The following KIF26B variants were observed in gnomAD, a reference collection of about 807,000 sequenced individuals.
KIF26B encodes the protein kinesin family member 26B.
Under a neutral mutation model 151.2 loss-of-function variants are expected in KIF26B, and 63 were observed. That is an observed-to-expected ratio of 0.42 (90% CI 0.34 to 0.51). KIF26B has a LOEUF of 0.51. KIF26B is among the 20% of genes least tolerant of loss of function. The probability of loss-of-function intolerance (pLI) is 0.07; values close to 1 mark genes in which losing one functional copy is unlikely to be tolerated. For synonymous variants in KIF26B, 1,357 were observed against 1,262.1 expected (o/e 1.08, Z -1.59); for missense variants, 2,813 against 2,913.6 (o/e 0.97, Z 0.79).
intron 2 of KIF26B, among the ~76,000 whole-genome samples, chr1:245,343,631 A>G (rs1438608168): frequency 1.3e-5 from 2 of 152,240 alleles, no homozygotes; most frequent in African/African-American, 2.4e-5. Flanking sequence ...CATAATTGAT[A>G]ACGACTTCAT....
intron 10 of KIF26B, among the ~76,000 whole-genome samples, chr1:245,679,157 T>C (rs976088733): frequency 6.6e-6 from 1 of 152,152 alleles, no homozygotes; most frequent in Non-Finnish European, 1.5e-5. Flanking sequence ...TTACAACCAC[T>C]CAACTCTTAT....
At chr1:245,457,349 A>G (rs61829865) in intron 4 of KIF26B, among the ~76,000 whole-genome samples, 1 of 152,244 alleles carries the variant, frequency 6.6e-6, no homozygotes. Context: ...CCACATCCAC[A>G]TATATGACCT....
chr1:245,272,617 G>A (rs1670872785), intron 2 of KIF26B, among the ~76,000 whole-genome samples: 1 of 151,682 alleles, frequency 6.6e-6, no homozygotes, highest in Non-Finnish European at 1.5e-5. Context: ...AAGTTGGGTT[G>A]TTTATTTGAG....
At chr1:245,266,481 C>T (rs1670748184) in intron 2 of KIF26B, among the ~76,000 whole-genome samples, 1 of 152,004 alleles carries the variant, frequency 6.6e-6, no homozygotes, top group Non-Finnish European at 1.5e-5. Context: ...TTGAATCCAT[C>T]TTTTACCATT....
Position 245,646,139 on chromosome 1 carries a change from G to A in KIF26B, c.2117G>A (p.Arg706His), listed in dbSNP as rs566679369. 13 of 1,613,694 alleles carry A rather than the reference G, an allele frequency of 8.1e-6. No homozygotes were observed. Among genetic ancestry groups the A allele is most frequent in the Middle Eastern group, 1.6e-4 (1 of 6,080 alleles). Residue 706 changes from arginine to histidine, a missense_variant, in exon 10 of 15, where the codon CGC becomes CAC. By Grantham distance (29) the Arg-to-His change is conservative. This residue lies in a region of KIF26B where 2,060 missense variants were observed against 2,088.6 expected (regional missense o/e 0.99). Coordinates refer to ENST00000407071, the MANE Select transcript of KIF26B (RefSeq NM_018012.4). Reference sequence around the variant, plus strand: ...GTGGTAGTGTCTGGAGGTCGCAGCCGCCTGCATCTCATTGATCTCGGCAGC... The same window carrying A: ...GTGGTAGTGTCTGGAGGTCGCAGCCACCTGCATCTCATTGATCTCGGCAGC... ...GKGGMSGGRS[R>H]LHLIDLGSCV...
At chr1:245,458,476 C>A (rs1659585830) in intron 4 of KIF26B, among the ~76,000 whole-genome samples, 1 of 152,138 alleles carries the variant, frequency 6.6e-6, no homozygotes, top group African/African-American at 2.4e-5. Flanking sequence ...CACATGGCAG[C>A]CAGGTTCTTT....
chr1:245,258,243 G>A (rs1670575993), intron 2 of KIF26B, among the ~76,000 whole-genome samples: 1 of 152,200 alleles, frequency 6.6e-6, no homozygotes, highest in African/African-American at 2.4e-5. Flanking sequence ...GTCCAGAGGT[G>A]TAAGACAGAG....
At chr1:245,675,699 G>A (rs2044349188) in intron 10 of KIF26B, among the ~76,000 whole-genome samples, 3 of 152,082 alleles carry the variant, frequency 2.0e-5, no homozygotes, top group Admixed American at 6.6e-5. Context: ...TAGAGTATTG[G>A]AGTTGAAAGA....
intron 10 of KIF26B, among the ~76,000 whole-genome samples, chr1:245,683,915 C>A (rs2044472488): frequency 6.6e-6 from 1 of 152,178 alleles, no homozygotes; most frequent in South Asian, 2.1e-4. Flanking sequence ...CTGATCCCCT[C>A]CTCTTGTTTC....
chr1:245,509,221 T>C (rs1048429701), intron 4 of KIF26B, among the ~76,000 whole-genome samples: 1 of 152,104 alleles, frequency 6.6e-6, no homozygotes, highest in African/African-American at 2.4e-5. Context: ...AACCAGCCAA[T>C]AAAGAAGGGC....
At chr1:245,589,037 G>A (rs1247722502) in intron 5 of KIF26B, among the ~76,000 whole-genome samples, 1 of 152,168 alleles carries the variant, frequency 6.6e-6, no homozygotes, top group Non-Finnish European at 1.5e-5. Flanking sequence ...AGAACGTAGC[G>A]TTTGGTGCAG....
At chr1:245,182,559 A>G (rs1158167153) in intron 2 of KIF26B, among the ~76,000 whole-genome samples, 1 of 152,192 alleles carries the variant, frequency 6.6e-6, no homozygotes, top group Non-Finnish European at 1.5e-5. Flanking sequence ...TTGTGTGGAC[A>G]TATGGTTTCA....
Position 245,156,695 on chromosome 1 carries a change from G to C in KIF26B, c.465+12G>C, listed in dbSNP as rs1021134496. On this transcript the variant is annotated intron_variant, in intron 2 of 14. Transcript: ENST00000407071. ...CCTTCCCGGGCAAGGTGAGCGCCGC[G>C]CGGGGCTGGCTGGGGAGGCGCCGGG... The C allele has an allele frequency of 1.2e-5, 18 of 1,465,044 alleles. No individual in the cohort carries two copies. The highest frequency in any genetic ancestry group is 2.4e-5 in the Admixed American group (1 of 41,952). 90.8% of individuals were successfully genotyped at this position (1,465,044 alleles called of 1,614,324 possible). A position where few individuals can be genotyped will look rare whatever the true frequency, so the allele number is the denominator to read the frequency against.
chr1:245,558,640 CCA>C (rs1662093882), intron 5 of KIF26B, among the ~76,000 whole-genome samples: 1 of 152,176 alleles, frequency 6.6e-6, no homozygotes, highest in Admixed American at 6.5e-5. Context: ...GTTTGTCTAG[CCA>C]CAGGGATCAG....
At chr1:245,652,310 G>A (rs2103191170) in intron 10 of KIF26B, among the ~76,000 whole-genome samples, 1 of 152,260 alleles carries the variant, frequency 6.6e-6, no homozygotes, top group Non-Finnish European at 1.5e-5. Flanking sequence ...GTCTCAGGTT[G>A]CCAGGCAACT....
intron 4 of KIF26B, among the ~76,000 whole-genome samples, chr1:245,461,732 G>A (rs927322670): frequency 2.0e-5 from 3 of 152,210 alleles, no homozygotes; most frequent in Non-Finnish European, 4.4e-5. Flanking sequence ...TTGGCTGCAA[G>A]AATGGCTAAG....
At chr1:245,491,677 G>T (rs1660412414) in intron 4 of KIF26B, among the ~76,000 whole-genome samples, 1 of 152,206 alleles carries the variant, frequency 6.6e-6, no homozygotes, top group African/African-American at 2.4e-5. Context: ...GGAGGCCGAG[G>T]TGGGTGGATC....
chr1:245,691,473 C>T (rs1224188175), intron 12 of KIF26B, among the ~76,000 whole-genome samples: 2 of 152,172 alleles, frequency 1.3e-5, no homozygotes, highest in Admixed American at 1.3e-4. Context: ...ATGGATGTGG[C>T]AGTGGAGATG....
intron 9 of KIF26B, among the ~76,000 whole-genome samples, chr1:245,623,017 C>T (rs531920467): frequency 4.5e-5 from 6 of 133,946 alleles, no homozygotes; most frequent in Non-Finnish European, 6.2e-5. Context: ...GCTGCAGGAT[C>T]GTGAGCAAGT....
Sources: gnomAD v4.1 joint callset for allele counts (sites outside exome capture counted in the v4.1 genomes callset) on GRCh38, gnomAD v4.1.1 for gene constraint, gnomAD v4.1.1 regional missense constraint, MANE v1.5 for transcripts, NCBI Gene and HGNC (gene_info 2026-07-23, HGNC 2026-07-21) for gene names.